The following NRG3 variants were observed in gnomAD, a reference collection of about 807,000 sequenced individuals.
The protein encoded by NRG3 is neuregulin 3.
In NRG3, 31 loss-of-function variants were observed where a neutral mutation model predicts 66.9. The ratio of observed to expected loss-of-function variants is 0.46; its 90% CI spans 0.35 to 0.63. NRG3 has a LOEUF of 0.63. Among genes scored for constraint, NRG3 ranks in the 20% least tolerant of loss-of-function variants. NRG3 has a pLI of 0.00. For synonymous variants in NRG3, 393 were observed against 359.4 expected, an observed-to-expected ratio of 1.09 and a Z score of -1.06; for missense variants, 910 against 878.9, an observed-to-expected ratio of 1.04 and a Z score of -0.45.
At chr10:82,823,745 A>T (rs2062056313) in intron 3 of NRG3, among the ~76,000 whole-genome samples, 1 of 152,088 alleles carries the variant, frequency 6.6e-6, no homozygotes, top group Admixed American at 6.6e-5. Flanking sequence ...GACAAATTTT[A>T]TCTTCAGAGT....
intron 1 of NRG3, among the ~76,000 whole-genome samples, chr10:82,042,584 G>A (rs1441486852): frequency 6.6e-6 from 1 of 152,104 alleles, no homozygotes; most frequent in African/African-American, 2.4e-5. Context: ...TGAAGACAAA[G>A]TATTTACAGT....
intron 4 of NRG3, among the ~76,000 whole-genome samples, chr10:82,890,443 C>T (rs917478286): frequency 1.3e-5 from 2 of 151,882 alleles, no homozygotes; most frequent in Non-Finnish European, 2.9e-5. Context: ...TTGTATCACC[C>T]GAACAAAACT....
chr10:81,875,984 C>G lies in NRG3; in HGVS notation c.644C>G (p.Thr215Ser), dbSNP rs747259511. The G allele has an allele frequency of 1.9e-6, 3 of 1,613,984 alleles. No homozygotes were observed. The highest frequency in any genetic ancestry group is 1.3e-5 in the African/African-American group (1 of 74,954). Reference sequence around the variant, plus strand: ...GGCTCCCGACCCCCGGTGCCAGGAACTCCAAGTACCCAGGCAATGCCCTCC... The same window carrying G: ...GGCTCCCGACCCCCGGTGCCAGGAAGTCCAAGTACCCAGGCAATGCCCTCC... ...TLGSRPPVPG[T>S]PSTQAMPSWP... The change falls in exon 1 of 9, where the codon ACT (threonine) becomes AGT (serine). Residue 215 changes from threonine to serine, a missense_variant. Transcript: ENST00000372141. This position sits in a 1 kb window ranked among gnomAD's most constrained non-coding sequence, Gnocchi z 5.3.
chr10:82,493,213 T>C (rs918476906), intron 2 of NRG3, among the ~76,000 whole-genome samples: 5 of 152,136 alleles, frequency 3.3e-5, no homozygotes, highest in African/African-American at 1.2e-4. Flanking sequence ...TTGCTGCACC[T>C]ATCAACCCAT....
chr10:82,400,269 C>A (rs2086992729), intron 2 of NRG3, among the ~76,000 whole-genome samples: 2 of 152,082 alleles, frequency 1.3e-5, no homozygotes, highest in African/African-American at 4.8e-5. Context: ...AGGACCTGGG[C>A]TAAGCACTAG....
intron 1 of NRG3, among the ~76,000 whole-genome samples, chr10:82,229,560 A>T (rs1012850277): frequency 6.6e-6 from 1 of 152,206 alleles, no homozygotes; most frequent in Non-Finnish European, 1.5e-5. Flanking sequence ...ACAGTTCTGC[A>T]TTGCTTGGGA....
rs764526137 is a variant in NRG3 at position 82,978,992 on chromosome 10, G to C, written c.1455G>C (p.Met485Ile). The C allele has an allele frequency of 5.0e-6, 8 of 1,613,932 alleles. No individual in the cohort carries two copies. The African/African-American group carries it at 1.1e-4, about 22-fold the overall frequency. Residue 485 changes from methionine (M) to isoleucine (I), a missense_variant, in exon 8 of 9, where the codon ATG becomes ATC. Coordinates refer to ENST00000372141, the MANE Select transcript of NRG3 (RefSeq NM_001010848.4). ...SCCSPGQRSG[M>I]LHRNAFRRTP... ...GCAGCCCAGGGCAAAGAAGTGGCAT[G>C]CTCCATAGGAATGCCTTCAGAAGGA...
chr10:82,946,787 T>A (rs1849069452), intron 4 of NRG3, among the ~76,000 whole-genome samples: 2 of 152,200 alleles, frequency 1.3e-5, no homozygotes, highest in South Asian at 4.1e-4. Context: ...TTAATTTATA[T>A]ATTAAAAGGT....
At chr10:82,955,534 A>G (rs1046635595) in intron 5 of NRG3, among the ~76,000 whole-genome samples, 1 of 151,872 alleles carries the variant, frequency 6.6e-6, no homozygotes, top group Non-Finnish European at 1.5e-5. Flanking sequence ...AATACAAAAT[A>G]TGATTCAACT....
intron 1 of NRG3, among the ~76,000 whole-genome samples, chr10:82,255,911 C>T (rs2134149046): frequency 6.6e-6 from 1 of 151,340 alleles, no homozygotes; most frequent in Middle Eastern, 3.6e-3. Context: ...GTCAATTTTT[C>T]AATAAATCTG....
At chr10:82,081,698 A>C (rs2065406053) in intron 1 of NRG3, among the ~76,000 whole-genome samples, 1 of 152,190 alleles carries the variant, frequency 6.6e-6, no homozygotes, top group African/African-American at 2.4e-5. Context: ...ACAATCTACC[A>C]GTTAATTATG....
intron 2 of NRG3, among the ~76,000 whole-genome samples, chr10:82,655,026 T>G (rs1227359642): frequency 1.3e-5 from 2 of 151,900 alleles, no homozygotes; most frequent in Non-Finnish European, 2.9e-5. Context: ...CTGAGAAAGT[T>G]TTATTTGCCT....
intron 1 of NRG3, among the ~76,000 whole-genome samples, chr10:82,014,366 A>G (rs1187715991): frequency 6.6e-6 from 1 of 152,180 alleles, no homozygotes; most frequent in Non-Finnish European, 1.5e-5. Context: ...CCCACCTGTC[A>G]TAAGTGGCAG....
rs111642810 is a variant in NRG3 at position 82,771,788 on chromosome 10, A to G, written c.1027+33138A>G. On this transcript the variant is annotated intron_variant, in intron 3 of 8. Coordinates refer to ENST00000372141, the MANE Select transcript of NRG3 (RefSeq NM_001010848.4). Reference sequence around the variant, plus strand: ...CATCTCAATAGCACTTCAAGCAAACAAACAATAAAAGTGAGCTCATTATTT... The same window carrying G: ...CATCTCAATAGCACTTCAAGCAAACGAACAATAAAAGTGAGCTCATTATTT... Among the ~76,000 whole-genome samples, 218 of 152,196 alleles carry G rather than the reference A, an allele frequency of 1.4e-3. 1 individual carries two copies. Among genetic ancestry groups the G allele is most frequent in the African/African-American group, 4.9e-3 (204 of 41,530 alleles).
intron 1 of NRG3, among the ~76,000 whole-genome samples, chr10:81,959,570 T>G (rs1274056292): frequency 6.6e-6 from 1 of 152,204 alleles, no homozygotes; most frequent in African/African-American, 2.4e-5. Flanking sequence ...GGATTTGTTG[T>G]GGTTTTCTTC....
intron 1 of NRG3, among the ~76,000 whole-genome samples, chr10:82,330,734 T>C (rs2135267425): frequency 6.6e-6 from 1 of 152,298 alleles, no homozygotes; most frequent in East Asian, 1.9e-4. Flanking sequence ...GCTTCCTAAG[T>C]TGGTCAACAT....
intron 1 of NRG3, among the ~76,000 whole-genome samples, chr10:82,076,526 T>C (rs2133371187): frequency 6.6e-6 from 1 of 152,256 alleles, no homozygotes; most frequent in East Asian, 1.9e-4. Context: ...GTTTCCCCAA[T>C]GTTGGAGGTG....
intron 1 of NRG3, among the ~76,000 whole-genome samples, chr10:82,247,011 A>C (rs1331994505): frequency 1.3e-5 from 2 of 152,202 alleles, no homozygotes; most frequent in Non-Finnish European, 2.9e-5. Flanking sequence ...AAATGATTGT[A>C]ATGCTGTTGG....
chr10:82,785,348 G>GTAT (rs1356797311), intron 3 of NRG3, among the ~76,000 whole-genome samples: 1 of 149,892 alleles, frequency 6.7e-6, no homozygotes, highest in Non-Finnish European at 1.5e-5. Flanking sequence ...AAAACTTAAA[G>GTAT]TATAATAATA....
Sources: gnomAD v4.1 joint callset for allele counts (sites outside exome capture counted in the v4.1 genomes callset) on GRCh38, gnomAD v4.1.1 for gene constraint, Gnocchi (gnomAD v3.1) non-coding constraint, MANE v1.5 for transcripts, NCBI Gene and HGNC (gene_info 2026-07-23, HGNC 2026-07-21) for gene names.